The following SERPINB10 variants were observed in gnomAD, a reference collection of about 807,000 sequenced individuals.
SERPINB10 encodes the protein serpin family B member 10.
Under a neutral mutation model 39.1 loss-of-function variants are expected in SERPINB10, and 35 were observed. The ratio of observed to expected loss-of-function variants is 0.90; its 90% CI spans 0.68 to 1.19. The LOEUF (loss-of-function observed/expected upper bound fraction) is 1.19. Among genes scored for constraint, SERPINB10 ranks in the 50% most tolerant of loss-of-function variants. SERPINB10 has a pLI of 0.00. For synonymous variants in SERPINB10, 190 were observed against 158.1 expected, an observed-to-expected ratio of 1.20 and a Z score of -1.52; for missense variants, 546 against 460.5, an observed-to-expected ratio of 1.19 and a Z score of -1.70.
At chr18:63,931,457 G>A (rs193032050) in intron 6 of SERPINB10, among the ~76,000 whole-genome samples, 39 of 152,264 alleles carry the variant, frequency 2.6e-4, no homozygotes, top group Admixed American at 1.5e-3. Context: ...AGCCCTTGTC[G>A]TATGGCCACC....
At chr18:63,922,208 T>C (rs139127843) in intron 5 of SERPINB10, among the ~76,000 whole-genome samples, 257 of 152,124 alleles carry the variant, frequency 1.7e-3, no homozygotes, top group African/African-American at 5.9e-3. Flanking sequence ...CAGCCCTAAG[T>C]GCTCAGTTCC....
chr18:63,917,280 A>T (rs1343859055), intron 2 of SERPINB10, among the ~76,000 whole-genome samples, 176 bp from the exon 3 acceptor site: 1 of 152,072 alleles, frequency 6.6e-6, no homozygotes, highest in Admixed American at 6.6e-5. Context: ...AAATTTATTT[A>T]AGAGCAGTTC....
At chr18:63,934,198 A>C (rs2050244482) in intron 7 of SERPINB10, among the ~76,000 whole-genome samples, 2 of 152,158 alleles carry the variant, frequency 1.3e-5, no homozygotes, top group South Asian at 4.1e-4. Flanking sequence ...ACATATATAC[A>C]TGTGTATTTT....
chr18:63,914,463 T>C (rs2050087500), intron 1 of SERPINB10, among the ~76,000 whole-genome samples: 1 of 152,088 alleles, frequency 6.6e-6, no homozygotes, highest in Non-Finnish European at 1.5e-5. Context: ...CAGATTCCCT[T>C]AGCACTTGGT....
intron 2 of SERPINB10, 21 bp downstream of exon 2, chr18:63,915,699 A>G (rs1390223074): frequency 4.4e-6 from 7 of 1,580,518 alleles, no homozygotes; most frequent in Non-Finnish European, 4.3e-6. Flanking sequence ...AAGGTCAACT[A>G]TCTTCTGTTT....
chr18:63,935,237 C>T lies in SERPINB10; in HGVS notation c.1189C>T (p.Pro397Ser). The change falls in exon 8 of 8, where the codon CCC (proline) becomes TCC (serine). Residue 397 changes from proline (P) to serine (S), a missense_variant. By Grantham distance (74) the Pro-to-Ser change is moderately conservative (BLOSUM62 -1). Coordinates refer to ENST00000238508, the MANE Select transcript of SERPINB10 (RefSeq NM_005024.3). ...TCTTTTTTATGGAAGATTATGCTCC[C>T]CCTAAATCCTGCATATCTCTCAACA... ...TILFYGRLCS[P>S] The T allele has an allele frequency of 6.3e-7, 1 of 1,575,030 alleles. No individual in the cohort carries two copies. The highest frequency in any genetic ancestry group is 8.6e-7 in the Non-Finnish European group (1 of 1,162,660).
chr18:63,927,513 G>C (rs986156272), intron 5 of SERPINB10, among the ~76,000 whole-genome samples: 9 of 152,044 alleles, frequency 5.9e-5, no homozygotes, highest in African/African-American at 2.2e-4. Context: ...TAATTCCAAA[G>C]TGACACCTTC....
At chr18:63,915,475 C>T (rs368519005) in intron 1 of SERPINB10, 27 bp from the exon 2 acceptor site, 29 of 1,511,590 alleles carry the variant, frequency 1.9e-5, no homozygotes, top group African/African-American at 2.8e-5. Flanking sequence ...TTAATATGCT[C>T]TCTAATTTTT....
chr18:63,916,978 G>T (rs1383897837), intron 2 of SERPINB10, among the ~76,000 whole-genome samples: 1 of 151,912 alleles, frequency 6.6e-6, no homozygotes, highest in African/African-American at 2.4e-5. Context: ...AAATGCTGGG[G>T]TAAACACAAA....
rs956396443 is a variant in SERPINB10 at position 63,935,302 on chromosome 18, T to C, written c.*60T>C. 8.1e-6 allele frequency: 12 copies of C among 1,479,548 alleles called. No homozygotes were observed. The highest frequency in any genetic ancestry group is 6.9e-5 in the South Asian group (5 of 72,474). 91.7% of individuals were successfully genotyped at this position (1,479,548 alleles called of 1,614,324 possible). ...ACAGTGTGAAAAATGTACCATGAGA[T>C]GGAAAAGCACAATTTTCACAAAAAT... On this transcript the variant is annotated 3_prime_UTR_variant, in exon 8 of 8. Transcript: ENST00000238508.
intron 1 of SERPINB10, among the ~76,000 whole-genome samples, chr18:63,912,919 TG>T (rs1456981421): frequency 4.0e-5 from 6 of 151,842 alleles, no homozygotes; most frequent in South Asian, 4.1e-4. Context: ...GGGCGTTTTT[TG>T]GTTGGTAGGA....
At chr18:63,920,338 A>G (rs2050137674) in intron 5 of SERPINB10, among the ~76,000 whole-genome samples, 1 of 152,018 alleles carries the variant, frequency 6.6e-6, no homozygotes, top group Non-Finnish European at 1.5e-5. Flanking sequence ...TATGGATTAA[A>G]CTACTCTAAA....
intron 5 of SERPINB10, among the ~76,000 whole-genome samples, chr18:63,925,884 A>C (rs114449293): frequency 0.028 from 4,253 of 152,100 alleles, 214 homozygotes; most frequent in African/African-American, 0.097. Context: ...AAAATAAAAA[A>C]ACCAGCCAGT....
chr18:63,919,966 A>G (rs1487769640), intron 5 of SERPINB10, 61 bp downstream of exon 5: 1 of 1,010,464 alleles, frequency 9.9e-7, no homozygotes, highest in African/African-American at 1.7e-5. Context: ...TATTTATTTT[A>G]GTTTGTGTCA....
At chr18:63,933,306 C>T (rs993160461) in intron 7 of SERPINB10, 103 bp downstream of exon 7, 1 of 1,274,410 alleles carries the variant, frequency 7.8e-7, no homozygotes, top group Admixed American at 1.9e-5. Flanking sequence ...GAAGAATGTT[C>T]TCCCTATTAT....
chr18:63,930,615 A>G (rs2050215490), intron 6 of SERPINB10, among the ~76,000 whole-genome samples: 1 of 152,166 alleles, frequency 6.6e-6, no homozygotes, highest in Non-Finnish European at 1.5e-5. Flanking sequence ...AAAAACGGAG[A>G]CTAAAGTAAG....
At chr18:63,934,135 T>C (rs1436246339) in intron 7 of SERPINB10, among the ~76,000 whole-genome samples, 1 of 152,210 alleles carries the variant, frequency 6.6e-6, no homozygotes, top group African/African-American at 2.4e-5. Context: ...AACTTCCGTC[T>C]AGAAGATGCA....
intron 4 of SERPINB10, among the ~76,000 whole-genome samples, chr18:63,919,027 A>G (rs1226450283): frequency 6.6e-6 from 1 of 152,038 alleles, no homozygotes; most frequent in Non-Finnish European, 1.5e-5. Flanking sequence ...CATAATCTTC[A>G]AGCCACTTCC....
rs76217322 is a variant in SERPINB10 at position 63,930,111 on chromosome 18, C to T, written c.557C>T (p.Ala186Val). The stretch of plus-strand genomic sequence containing the variant: ...ACAACCAGGATGATTCTGGTGAACG[C>T]CCTATACTTTAAAGGAATCTGGGAA... ...DSTTRMILVN[A>V]LYFKGIWEHQ... The change falls in exon 6 of 8, where the codon GCC becomes GTC. Residue 186 changes from alanine to valine, a missense_variant. Coordinates refer to ENST00000238508, the MANE Select transcript of SERPINB10 (RefSeq NM_005024.3). The T allele has an allele frequency of 3.7e-4, 595 of 1,613,540 alleles. 4 individuals are homozygous for T. The African/African-American group carries it at 7.0e-3, about 19-fold the overall frequency.
Sources: gnomAD v4.1 joint callset for allele counts (sites outside exome capture counted in the v4.1 genomes callset) on GRCh38, gnomAD v4.1.1 for gene constraint, MANE v1.5 for transcripts, NCBI Gene and HGNC (gene_info 2026-07-23, HGNC 2026-07-21) for gene names.